ATP10A: variants seen among roughly 807,000 people sequenced by gnomAD.
ATP10A encodes the protein phospholipid-transporting ATPase VA.
Under a neutral mutation model 147.8 loss-of-function variants are expected in ATP10A, and 111 were observed. That is an observed-to-expected ratio of 0.75 (90% CI 0.64 to 0.88). The LOEUF is 0.88. Ranked by LOEUF, ATP10A falls within the 40% of genes least tolerant of loss-of-function variation. ATP10A has a pLI of 0.00. For missense variants in ATP10A, 1,927 were observed against 1,959.0 expected, an observed-to-expected ratio of 0.98 and a Z score of 0.31; for synonymous variants, 875 against 841.6, an observed-to-expected ratio of 1.04 and a Z score of -0.69.
intron 1 of ATP10A, among the ~76,000 whole-genome samples, chr15:25,823,461 C>T (rs17116234): frequency 0.32 from 48,871 of 152,044 alleles, 9,348 homozygotes; most frequent in African/African-American, 0.53. Flanking sequence ...AACTTGAGGA[C>T]GTCCCCCAGG....
chr15:25,804,076 GGTGTGTGT>G (rs5811398), intron 1 of ATP10A, among the ~76,000 whole-genome samples: 39,304 of 144,164 alleles, frequency 0.27, 6,181 homozygotes, highest in African/African-American at 0.44. Context: ...CTACGTGCAT[GGTGTGTGT>G]GTGTGTGTGT....
intron 8 of ATP10A, among the ~76,000 whole-genome samples, chr15:25,717,142 T>C (rs1213434869): frequency 6.6e-6 from 1 of 152,246 alleles, no homozygotes; most frequent in Non-Finnish European, 1.5e-5. Flanking sequence ...TGCTTCAGCA[T>C]TGCCCTCTAG....
At chr15:25,826,011 GA>G (rs1319399037) in intron 1 of ATP10A, among the ~76,000 whole-genome samples, 5 of 152,108 alleles carry the variant, frequency 3.3e-5, no homozygotes, top group African/African-American at 1.2e-4. Flanking sequence ...ACAAATTCTG[GA>G]GTTGAAAAGT....
chr15:25,784,508 C>T (rs1889721263), intron 1 of ATP10A, among the ~76,000 whole-genome samples: 1 of 152,184 alleles, frequency 6.6e-6, no homozygotes, highest in Non-Finnish European at 1.5e-5. Context: ...GGAGATTCCC[C>T]CCTGAGGACC....
chr15:25,815,965 G>C (rs2140832158), intron 1 of ATP10A, among the ~76,000 whole-genome samples: 1 of 151,212 alleles, frequency 6.6e-6, no homozygotes, highest in East Asian at 1.9e-4. Flanking sequence ...GTGTAGGGTG[G>C]AAAGTTTTAA....
chr15:25,769,744 A>C (rs1386750805), intron 2 of ATP10A, among the ~76,000 whole-genome samples: 1 of 152,140 alleles, frequency 6.6e-6, no homozygotes, highest in Non-Finnish European at 1.5e-5. Flanking sequence ...CCATCCAGGA[A>C]TGGCGGTTAC....
At chr15:25,797,773 G>T (rs1046348401) in intron 1 of ATP10A, among the ~76,000 whole-genome samples, 14 of 152,094 alleles carry the variant, frequency 9.2e-5, no homozygotes, top group African/African-American at 3.1e-4. Context: ...GGAGACTGCC[G>T]CCCTGGGGGG....
Position 25,716,926 on chromosome 15 carries a change from TG to T in ATP10A, c.1582-3del. 6.4e-7 allele frequency: 1 copy of T among 1,556,930 alleles called. No individual in the cohort carries two copies. Among genetic ancestry groups the T allele is most frequent in the South Asian group, 1.2e-5 (1 of 82,980 alleles). On this transcript the variant is annotated splice_polypyrimidine_tract_variant and splice_region_variant and intron_variant, in intron 8 of 20. Transcript: ENST00000555815. ...TGGGTCGGGCGTGATATCCTTCTCC[TG>T]GGAGAAAGGGAGGCTGGCAGTGAGT...
chr15:25,713,935 C>A lies in ATP10A; in HGVS notation c.2083G>T (p.Ala695Ser), dbSNP rs1481365637. ...QESERELRYE[A>S]ESPDEAALVY... The stretch of plus-strand genomic sequence containing the variant: ...AGTGCGGCCTCATCCGGGCTCTCCG[C>A]CTCGTACCGCAGCTCGCGCTCTGAC... The change falls in exon 10 of 21, where the codon GCG (alanine) becomes TCG (serine). Residue 695 changes from alanine (A) to serine (S), a missense_variant. Physicochemically the swap from Ala to Ser is moderately conservative, Grantham distance 99. Coordinates refer to ENST00000555815, the MANE Select transcript of ATP10A (RefSeq NM_024490.4). 3 of 1,611,718 alleles carry A rather than the reference C, an allele frequency of 1.9e-6. No individual in the cohort carries two copies. The highest frequency in any genetic ancestry group is 1.7e-6 in the Non-Finnish European group (2 of 1,180,034).
At chr15:25,680,480 C>T (rs545810715) in intron 19 of ATP10A, among the ~76,000 whole-genome samples, 172 bp from the exon 20 acceptor site, 5 of 152,288 alleles carry the variant, frequency 3.3e-5, no homozygotes, top group South Asian at 4.1e-4. Context: ...CTCCAGAACC[C>T]ATGGACCGCC....
At chr15:25,858,505 C>T (rs1597010265) in intron 1 of ATP10A, among the ~76,000 whole-genome samples, 1 of 152,218 alleles carries the variant, frequency 6.6e-6, no homozygotes, top group East Asian at 1.9e-4. Flanking sequence ...AAAAGGAGGA[C>T]TTTGTTGAGT....
chr15:25,691,873 G>T, intron 14 of ATP10A, 82 bp from the exon 15 acceptor site: 2 of 1,553,192 alleles, frequency 1.3e-6, no homozygotes, highest in Non-Finnish European at 8.9e-7. Context: ...TTTCTTGGGA[G>T]TCCCCGCTGA....
At chr15:25,826,514 A>G (rs556892427) in intron 1 of ATP10A, among the ~76,000 whole-genome samples, 1 of 152,300 alleles carries the variant, frequency 6.6e-6, no homozygotes, top group Admixed American at 6.5e-5. Context: ...GTGAGCCGAT[A>G]TTGCACCACC....
chr15:25,740,271 CTAAAG>C (rs1321236849), intron 2 of ATP10A, among the ~76,000 whole-genome samples: 1 of 152,298 alleles, frequency 6.6e-6, no homozygotes, highest in South Asian at 2.1e-4. Flanking sequence ...CATAAAAAAA[CTAAAG>C]TAAAGAGGTT....
At chr15:25,836,856 T>C (rs1429813494) in intron 1 of ATP10A, among the ~76,000 whole-genome samples, 1 of 152,210 alleles carries the variant, frequency 6.6e-6, no homozygotes, top group Non-Finnish European at 1.5e-5. Context: ...ATGCATGTGC[T>C]GTCCCTCTCC....
intron 1 of ATP10A, among the ~76,000 whole-genome samples, chr15:25,847,182 A>G (rs940560396): frequency 2.0e-5 from 3 of 151,868 alleles, no homozygotes; most frequent in Admixed American, 6.6e-5. Flanking sequence ...ATCCACACAC[A>G]TCAAAGATCA....
Position 25,721,839 on chromosome 15 carries a change from T to C in ATP10A, c.1181A>G (p.Gln394Arg), listed in dbSNP as rs965146916. The C allele has an allele frequency of 4.3e-6, 7 of 1,614,078 alleles. No individual in the cohort carries two copies. Among genetic ancestry groups the C allele is most frequent in the Non-Finnish European group, 5.9e-6 (7 of 1,180,022 alleles). ...VKACQVYFIN[Q>R]DMQLYDEETD... Reference sequence around the variant, plus strand: ...TTCTTCGTCATACAACTGCATGTCCTGGTTAATGAAGTACACTTGGCATGC... The same window carrying C: ...TTCTTCGTCATACAACTGCATGTCCCGGTTAATGAAGTACACTTGGCATGC... The change falls in exon 7 of 21, where the codon CAG (glutamine) becomes CGG (arginine). Residue 394 changes from glutamine (Q) to arginine (R), a missense_variant. Transcript: ENST00000555815.
chr15:25,689,767 A>T (rs1465685566), intron 15 of ATP10A, among the ~76,000 whole-genome samples: 2 of 152,230 alleles, frequency 1.3e-5, no homozygotes, highest in Non-Finnish European at 2.9e-5. Flanking sequence ...CCTATGGCTC[A>T]GCTGTTCCCA....
chr15:25,862,502 C>T (rs996802447), intron 1 of ATP10A, 146 bp downstream of exon 1: 4 of 1,039,440 alleles, frequency 3.8e-6, no homozygotes, highest in Non-Finnish European at 5.4e-6. Flanking sequence ...CGGTCGGCAC[C>T]GGGTCCCGCG....
Sources: gnomAD v4.1 joint callset for allele counts (sites outside exome capture counted in the v4.1 genomes callset) on GRCh38, gnomAD v4.1.1 for gene constraint, MANE v1.5 for transcripts, NCBI Gene and HGNC (gene_info 2026-07-23, HGNC 2026-07-21) for gene names.